FUT9: variants seen among roughly 807,000 people sequenced by gnomAD.
The protein encoded by FUT9 is fucosyltransferase 9, also known as 4-galactosyl-N-acetylglucosaminide 3-alpha-L-fucosyltransferase 9.
FUT9 carries 15 observed loss-of-function variants against 29.7 expected under a neutral mutation model. That is an observed-to-expected ratio of 0.51 (90% CI 0.34 to 0.78). The LOEUF (loss-of-function observed/expected upper bound fraction) is 0.78, where lower values mean the gene tolerates loss of function less well. Among genes scored for constraint, FUT9 ranks in the 30% least tolerant of loss-of-function variants. The pLI is 0.01. For missense variants in FUT9, 319 were observed against 425.4 expected, an observed-to-expected ratio of 0.75 and a Z score of 2.20; for synonymous variants, 169 against 153.7, an observed-to-expected ratio of 1.10 and a Z score of -0.74.
chr6:96,091,519 T>G (rs9404212), intron 1 of FUT9, among the ~76,000 whole-genome samples: 1 of 152,106 alleles, frequency 6.6e-6, no homozygotes, highest in African/African-American at 2.4e-5. Flanking sequence ...TTATGTGATA[T>G]GCAATTATCA....
At position 96,207,852 on chromosome 6, in the gene FUT9, T is replaced by A. The variant is rs1358776977; in HGVS notation, c.*3617T>A. On this transcript the variant is annotated 3_prime_UTR_variant, in exon 3 of 3. Transcript: ENST00000302103. ...AAATGTTAATCATTATAGACCTTAC[T>A]AATAAGAATATATACTGAATTGTCC... 6.0e-6 allele frequency: 1 copy of A among 166,846 alleles called. No individual in the cohort carries two copies. Among genetic ancestry groups the A allele is most frequent in the Non-Finnish European group, 1.5e-5 (1 of 68,022 alleles). The allele number at this position is 166,846 out of a possible 1,614,324, so 10.3% of individuals were successfully genotyped here.
intron 1 of FUT9, among the ~76,000 whole-genome samples, chr6:96,034,738 C>T (rs982845047): frequency 5.3e-5 from 8 of 151,802 alleles, no homozygotes; most frequent in African/African-American, 1.7e-4. Context: ...CCTCTCCAGA[C>T]CCCAAACTTA....
intron 1 of FUT9, among the ~76,000 whole-genome samples, chr6:96,102,767 A>G (rs1386049483): frequency 6.6e-6 from 1 of 152,186 alleles, no homozygotes; most frequent in Non-Finnish European, 1.5e-5. Flanking sequence ...ACCCACATCA[A>G]ATATCATGTA....
chr6:96,062,096 G>A (rs77104570), intron 1 of FUT9, among the ~76,000 whole-genome samples: 5,880 of 152,060 alleles, frequency 0.039, 158 homozygotes, highest in South Asian at 0.12. Flanking sequence ...TGCAGATGAC[G>A]GGTTGATGGG....
rs147910045 is a variant in FUT9, at chr6:96,034,227, A to G, written c.-98+18015A>G. ...AGAAGCAGAGGCAACCTCTGTACCA[A>G]CTTGGGAAGAGGTAGAGCTACATCA... On this transcript the variant is annotated intron_variant, in intron 1 of 2. Transcript: ENST00000302103. 5.3e-5 allele frequency among the ~76,000 whole-genome samples: 8 copies of G among 151,656 alleles called. No homozygotes were observed. The East Asian group carries it at 5.8e-4, about 11-fold the overall frequency.
intron 1 of FUT9, among the ~76,000 whole-genome samples, chr6:96,024,569 G>T (rs1345597946): frequency 6.6e-6 from 1 of 151,644 alleles, no homozygotes; most frequent in Non-Finnish European, 1.5e-5. Flanking sequence ...TTTTTCTAGG[G>T]TATGGGGTTT....
At chr6:96,171,808 C>T (rs1286770671) in intron 2 of FUT9, among the ~76,000 whole-genome samples, 1 of 152,108 alleles carries the variant, frequency 6.6e-6, no homozygotes, top group African/African-American at 2.4e-5. Flanking sequence ...TTCATTCATC[C>T]TAACCCTAAC....
intron 1 of FUT9, among the ~76,000 whole-genome samples, chr6:96,112,320 G>A (rs938551777): frequency 1.1e-4 from 16 of 152,188 alleles, no homozygotes; most frequent in Middle Eastern, 3.4e-3. Context: ...CTAAACAAAT[G>A]TTACAAAATA....
chr6:96,022,147 A>G lies in FUT9; in HGVS notation c.-98+5935A>G, dbSNP rs546030085. Reference sequence around the variant, plus strand: ...TTTGACATGAGATGAGCTACAAGACATAGGTGTTAGTGATAACGATGTTTC... The same window carrying G: ...TTTGACATGAGATGAGCTACAAGACGTAGGTGTTAGTGATAACGATGTTTC... On this transcript the variant is annotated intron_variant, in intron 1 of 2. Transcript: ENST00000302103. Among the ~76,000 whole-genome samples the G allele has an allele frequency of 3.9e-5, 6 of 152,168 alleles. No homozygotes were observed. The South Asian group carries it at 1.2e-3, about 32-fold the overall frequency.
At chr6:96,158,829 C>CT (rs2127979171) in intron 2 of FUT9, among the ~76,000 whole-genome samples, 1 of 152,206 alleles carries the variant, frequency 6.6e-6, no homozygotes, top group Admixed American at 6.5e-5. Context: ...ATCCTCAGAA[C>CT]TTTAACATCA....
At position 96,144,944 on chromosome 6, in the gene FUT9, A is replaced by T. The variant is rs199654455; in HGVS notation, c.-9+30817A>T. Among the ~76,000 whole-genome samples, 4 of 152,352 alleles carry T rather than the reference A, an allele frequency of 2.6e-5. No individual in the cohort carries two copies. The East Asian group carries it at 5.8e-4, about 22-fold the overall frequency. On this transcript the variant is annotated intron_variant, in intron 2 of 2. Coordinates refer to ENST00000302103, the MANE Select transcript of FUT9 (RefSeq NM_006581.4). Reference sequence around the variant, plus strand: ...CTCAAACACAGATATGTAGTGTCTCATAACTTAAGAACTGTATTCATTCTC... The same window carrying T: ...CTCAAACACAGATATGTAGTGTCTCTTAACTTAAGAACTGTATTCATTCTC...
intron 2 of FUT9, among the ~76,000 whole-genome samples, chr6:96,114,661 A>T (rs1771877115): frequency 6.6e-6 from 1 of 151,772 alleles, no homozygotes; most frequent in East Asian, 1.9e-4. Flanking sequence ...TAAGTTAAAT[A>T]AAAAAAGAAA....
chr6:96,073,456 A>T (rs1317370381), intron 1 of FUT9, among the ~76,000 whole-genome samples: 2 of 152,110 alleles, frequency 1.3e-5, no homozygotes, highest in East Asian at 1.9e-4. Context: ...CTCAAAAAAA[A>T]AAAAAAAAAG....
chr6:96,205,332 C>A lies in FUT9; in HGVS notation c.*1097C>A, dbSNP rs3934926. The stretch of plus-strand genomic sequence containing the variant: ...ATAGAAAACACACAGTGTTAGCACA[C>A]AGTAAGATCTCAATGCACATTTGTT... On this transcript the variant is annotated 3_prime_UTR_variant, in exon 3 of 3. Coordinates refer to ENST00000302103, the MANE Select transcript of FUT9 (RefSeq NM_006581.4). The A allele has an allele frequency of 3.6e-5, 6 of 166,968 alleles. No individual in the cohort carries two copies. Among genetic ancestry groups the A allele is most frequent in the Admixed American group, 1.3e-4 (2 of 15,270 alleles). 10.3% of individuals were successfully genotyped at this position (166,968 alleles called of 1,614,324 possible).
chr6:96,054,148 G>C lies in FUT9; in HGVS notation c.-98+37936G>C, dbSNP rs189393873. ...TATTTCTTAAGGTGTTTTTGGCCCA[G>C]GGATTTTGTCCTTTTAAGTCAAGAT... On this transcript the variant is annotated intron_variant, in intron 1 of 2. Coordinates refer to ENST00000302103, the MANE Select transcript of FUT9 (RefSeq NM_006581.4). Among the ~76,000 whole-genome samples the C allele has an allele frequency of 3.4e-3, 516 of 152,222 alleles. 3 individuals carry two copies. The highest frequency in any genetic ancestry group is 0.012 in the African/African-American group (482 of 41,524).
At chr6:96,187,965 T>C (rs1773434430) in intron 2 of FUT9, among the ~76,000 whole-genome samples, 1 of 152,108 alleles carries the variant, frequency 6.6e-6, no homozygotes, top group African/African-American at 2.4e-5. Flanking sequence ...TAATGCATCA[T>C]TAATCCTTGA....
Position 96,204,507 on chromosome 6 carries a change from T to G in FUT9, c.*272T>G. 1 of 221,790 alleles carries G rather than the reference T, an allele frequency of 4.5e-6. No individual in the cohort carries two copies. Among genetic ancestry groups the G allele is most frequent in the Non-Finnish European group, 9.6e-6 (1 of 104,658 alleles). 13.7% of individuals were successfully genotyped at this position (221,790 alleles called of 1,614,324 possible). A position where few individuals can be genotyped will look rare whatever the true frequency, so the allele number is the denominator to read the frequency against. ...TTTGTAAACATTGTTTTTTCACATT[T>G]TTGTAGTTGTCCATAATGTAAGCTT... On this transcript the variant is annotated 3_prime_UTR_variant, in exon 3 of 3. Coordinates refer to ENST00000302103, the MANE Select transcript of FUT9 (RefSeq NM_006581.4).
At chr6:96,060,645 T>A (rs112539998) in intron 1 of FUT9, among the ~76,000 whole-genome samples, 11,607 of 152,000 alleles carry the variant, frequency 0.076, 1,165 homozygotes, top group African/African-American at 0.23. Flanking sequence ...CAAGCAATTC[T>A]CCTGCCTCAG....
chr6:96,050,442 C>G (rs1030086147), intron 1 of FUT9, among the ~76,000 whole-genome samples: 1 of 152,190 alleles, frequency 6.6e-6, no homozygotes, highest in African/African-American at 2.4e-5. Context: ...AGCAACTGCT[C>G]TCTTCATTAT....
Sources: allele counts gnomAD v4.1 joint callset (sites outside exome capture counted in the v4.1 genomes callset), GRCh38; gene constraint gnomAD v4.1.1; transcripts MANE v1.5; gene names NCBI Gene and HGNC (gene_info 2026-07-23, HGNC 2026-07-21).